Variants in KAT2B observed in about 807,000 individuals in gnomAD.
The protein encoded by KAT2B is lysine acetyltransferase 2B.
A neutral mutation model predicts 105.9 loss-of-function variants in KAT2B; 36 were observed. The ratio of observed to expected loss-of-function variants is 0.34; its 90% CI spans 0.26 to 0.45. The LOEUF (loss-of-function observed/expected upper bound fraction) is 0.45. Among genes scored for constraint, KAT2B ranks in the 20% least tolerant of loss-of-function variants. The pLI, the probability that KAT2B is intolerant of heterozygous loss-of-function variation, is 1.00. For synonymous variants in KAT2B, 397 were observed against 377.9 expected, an observed-to-expected ratio of 1.05 and a Z score of -0.59; for missense variants, 820 against 1,021.6, an observed-to-expected ratio of 0.80 and a Z score of 2.69.
intron 10 of KAT2B, among the ~76,000 whole-genome samples, chr3:20,126,370 A>G (rs1699404033): frequency 6.6e-6 from 1 of 152,160 alleles, no homozygotes; most frequent in African/African-American, 2.4e-5. Context: ...TTCATTCTTT[A>G]TAGCAGTGAG....
Position 20,111,696 on chromosome 3 carries a change from G to T in KAT2B, c.952G>T (p.Val318Phe). The T allele has an allele frequency of 6.2e-7, 1 of 1,614,080 alleles. No homozygotes were observed. The highest frequency in any genetic ancestry group is 1.1e-5 in the South Asian group (1 of 91,076). Residue 318 changes from valine (V) to phenylalanine (F), a missense_variant, in exon 6 of 18, where the codon GTT (valine) becomes TTT (phenylalanine). Transcript: ENST00000263754. ...GRTLLRSVFT[V>F]MRRQLLEQAR... is the part of the protein sequence containing the mutation. The stretch of plus-strand genomic sequence containing the variant: ...AACATTGCTTCGCTCGGTCTTCACT[G>T]TTATGAGGCGACAACTCCTGGAACA...
intron 12 of KAT2B, chr3:20,137,765 A>C (rs896597162): frequency 1.3e-5 from 2 of 152,222 alleles, no homozygotes; most frequent in Non-Finnish European, 2.9e-5. Flanking sequence ...CAAGCAATCC[A>C]CCCACCTCGG....
intron 13 of KAT2B, among the ~76,000 whole-genome samples, chr3:20,142,312 T>G (rs1284442960): frequency 1.3e-5 from 2 of 152,180 alleles, no homozygotes; most frequent in African/African-American, 2.4e-5. Context: ...GAATGGGTGA[T>G]GGAGGTTTGG....
chr3:20,091,104 A>G (rs1270412543), intron 2 of KAT2B, among the ~76,000 whole-genome samples: 1 of 152,136 alleles, frequency 6.6e-6, no homozygotes, highest in Non-Finnish European at 1.5e-5. Flanking sequence ...GTTTGGTAGA[A>G]TTCAGCCTTG....
rs760694429 is a variant in KAT2B at position 20,119,698 on chromosome 3, C to G, written c.1251C>G (p.Ala417=). 3.1e-6 allele frequency: 5 copies of G among 1,614,094 alleles called. No individual in the cohort carries two copies. The South Asian group carries it at 3.3e-5, about 11-fold the overall frequency. The change falls in exon 8 of 18, where the codon GCC becomes GCG. Residue 417 remains alanine, a synonymous_variant. Coordinates refer to ENST00000263754, the MANE Select transcript of KAT2B (RefSeq NM_003884.5). The part of the protein sequence containing the change: ...NAGSSSPACK[A]SSGLEANPGE... The stretch of plus-strand genomic sequence containing the variant: ...GGAGCAGCAGTCCTGCCTGCAAAGC[C>G]TCTTCTGGACTTGAGGCAAACCCAG...
chr3:20,132,540 G>A (rs1311582487), intron 11 of KAT2B, among the ~76,000 whole-genome samples: 1 of 152,146 alleles, frequency 6.6e-6, no homozygotes, highest in Non-Finnish European at 1.5e-5. Context: ...AGGGGAAATA[G>A]GTCTGGGGTT....
intron 1 of KAT2B, among the ~76,000 whole-genome samples, chr3:20,044,494 C>T (rs1697772991): frequency 6.6e-6 from 1 of 152,028 alleles, no homozygotes; most frequent in South Asian, 2.1e-4. Flanking sequence ...TTTAATTTCT[C>T]TTTATTGTGG....
chr3:20,056,926 C>A (rs546906753), intron 1 of KAT2B, among the ~76,000 whole-genome samples: 1 of 152,258 alleles, frequency 6.6e-6, no homozygotes, highest in South Asian at 2.1e-4. Flanking sequence ...ATTTGGACTG[C>A]AATTGCCTTG....
rs73181606 is a variant in KAT2B at position 20,075,861 on chromosome 3, G to A, written c.430+3402G>A. ...CTGGGAGCAGAGGCTGCAGTGAGCC[G>A]AGATCTCACCACTGCAGCCTGGGCG... On this transcript the variant is annotated intron_variant, in intron 2 of 17. Coordinates refer to ENST00000263754, the MANE Select transcript of KAT2B (RefSeq NM_003884.5). Among the ~76,000 whole-genome samples the A allele has an allele frequency of 5.7e-3, 826 of 145,084 alleles. 9 individuals are homozygous for A. The highest frequency in any genetic ancestry group is 0.021 in the African/African-American group (804 of 38,792).
chr3:20,144,363 A>T (rs1229511047), intron 13 of KAT2B, among the ~76,000 whole-genome samples: 1 of 133,030 alleles, frequency 7.5e-6, no homozygotes, highest in African/African-American at 3.0e-5. Context: ...ATCTTGGCTC[A>T]CTGCAAGCTC....
chr3:20,066,172 C>G (rs1698220235), intron 1 of KAT2B, among the ~76,000 whole-genome samples: 1 of 152,130 alleles, frequency 6.6e-6, no homozygotes, highest in South Asian at 2.1e-4. Context: ...TAGTGAGACC[C>G]TGGTCTGTCT....
intron 5 of KAT2B, among the ~76,000 whole-genome samples, chr3:20,104,551 T>G (rs560359668): frequency 6.6e-6 from 1 of 152,170 alleles, no homozygotes; most frequent in Admixed American, 6.5e-5. Flanking sequence ...ATGGGTAATA[T>G]TACTGGCTGC....
intron 11 of KAT2B, among the ~76,000 whole-genome samples, chr3:20,129,375 CTTTT>C (rs537697916): frequency 2.2e-5 from 3 of 136,234 alleles, no homozygotes; most frequent in Admixed American, 7.4e-5. Flanking sequence ...TCTGTACTGT[CTTTT>C]TTTTTTTTTT....
intron 2 of KAT2B, among the ~76,000 whole-genome samples, chr3:20,092,257 G>A (rs1698733097): frequency 1.4e-5 from 1 of 71,408 alleles, no homozygotes; most frequent in Non-Finnish European, 2.9e-5. Context: ...GAGATGGAGT[G>A]TTGCTCTGTT....
chr3:20,070,276 G>A (rs1313393126), intron 1 of KAT2B, among the ~76,000 whole-genome samples: 1 of 151,296 alleles, frequency 6.6e-6, no homozygotes, highest in African/African-American at 2.4e-5. Context: ...TTCTTACCTT[G>A]CCAATCGTTT....
At chr3:20,145,168 G>C (rs1699763692) in intron 13 of KAT2B, among the ~76,000 whole-genome samples, 1 of 152,160 alleles carries the variant, frequency 6.6e-6, no homozygotes, top group South Asian at 2.1e-4. Context: ...CCAATTGTAT[G>C]TTACAATGAC....
At chr3:20,101,642 A>G (rs1281775102) in intron 5 of KAT2B, among the ~76,000 whole-genome samples, 174 bp downstream of exon 5, 1 of 152,176 alleles carries the variant, frequency 6.6e-6, no homozygotes, top group Non-Finnish European at 1.5e-5. Context: ...CTATCATAAT[A>G]TGTTGAGGTG....
At chr3:20,095,496 C>T (rs1047579457) in intron 3 of KAT2B, 88 bp downstream of exon 3, 4 of 819,106 alleles carry the variant, frequency 4.9e-6, no homozygotes, top group Non-Finnish European at 7.7e-6. Flanking sequence ...TGAAGGCTTT[C>T]AGCTCCTGGT....
intron 8 of KAT2B, 71 bp from the exon 9 acceptor site, chr3:20,122,597 T>A: frequency 8.1e-7 from 1 of 1,228,430 alleles, no homozygotes. Context: ...TGTTAGAAAA[T>A]TAGTTGGCGT....
Sources: allele counts gnomAD v4.1 joint callset (sites outside exome capture counted in the v4.1 genomes callset), GRCh38; gene constraint gnomAD v4.1.1; transcripts MANE v1.5; gene names NCBI Gene and HGNC (gene_info 2026-07-23, HGNC 2026-07-21).